Variants in HS6ST2 observed in about 807,000 individuals in gnomAD.
HS6ST2 encodes the protein heparan sulfate 6-O-sulfotransferase 2, also known as heparan-sulfate 6-O-sulfotransferase 2.
In HS6ST2, 17 loss-of-function variants were observed where a neutral mutation model predicts 33.0. The observed-to-expected ratio is 0.52, with a 90% CI of 0.35 to 0.77. The LOEUF is 0.77. HS6ST2 is among the 30% of genes least tolerant of loss of function. The probability of loss-of-function intolerance (pLI) is 0.01; values close to 1 mark genes in which losing one functional copy is unlikely to be tolerated. For missense variants in HS6ST2, 519 were observed against 551.7 expected, an observed-to-expected ratio of 0.94 and a Z score of 0.59; for synonymous variants, 248 against 237.1, an observed-to-expected ratio of 1.05 and a Z score of -0.42.
chrX:132,942,009 T>C (rs754205742), intron 2 of HS6ST2, among the ~76,000 whole-genome samples: 3 of 112,152 alleles, frequency 2.7e-5, no homozygotes, highest in African/African-American at 9.7e-5. Context: ...CATGTTTACA[T>C]GTTCATGAAG....
At chrX:132,831,241 A>C (rs1444028443) in intron 2 of HS6ST2, among the ~76,000 whole-genome samples, 1 of 111,640 alleles carries the variant, frequency 9.0e-6, no homozygotes, top group East Asian at 2.8e-4. Context: ...AAGAGAGGAC[A>C]GAAAACAACT....
At chrX:132,671,501 T>G (rs2063879216) in intron 3 of HS6ST2, among the ~76,000 whole-genome samples, 1 of 106,874 alleles carries the variant, frequency 9.4e-6, no homozygotes, top group African/African-American at 3.4e-5. Context: ...AATTCCCATG[T>G]CTGCGCCTTG....
intron 2 of HS6ST2, among the ~76,000 whole-genome samples, chrX:132,887,266 G>T (rs1488252943): frequency 1.8e-5 from 2 of 112,145 alleles, no homozygotes; most frequent in Admixed American, 9.5e-5. Context: ...ATTATGGGCA[G>T]AACTGATAAA....
Position 132,732,901 on chromosome X carries a change from AT to A in HS6ST2, c.948-24408del, listed in dbSNP as rs746407020. ...CTGGGCCTCAGTTTCCTCATATTAC[AT>A]TTAAAGAGATCTCTGAAGTTCTTTC... On this transcript the variant is annotated intron_variant, in intron 2 of 4. Transcript: ENST00000370833. Among the ~76,000 whole-genome samples, 34 of 111,972 alleles carry A rather than the reference AT, an allele frequency of 3.0e-4. No individual in the cohort carries two copies. The East Asian group carries it at 9.3e-3, about 31-fold the overall frequency.
intron 2 of HS6ST2, among the ~76,000 whole-genome samples, chrX:132,954,707 A>G (rs1454967196): frequency 8.9e-6 from 1 of 112,120 alleles, no homozygotes; most frequent in African/African-American, 3.2e-5. Context: ...TTTTGCAAAC[A>G]CCGTAAAATC....
chrX:132,948,426 A>C (rs768163248), intron 2 of HS6ST2, among the ~76,000 whole-genome samples: 2 of 112,371 alleles, frequency 1.8e-5, no homozygotes, highest in Admixed American at 9.5e-5. Context: ...TAAATATGGA[A>C]TTTATGCACA....
intron 3 of HS6ST2, among the ~76,000 whole-genome samples, chrX:132,697,851 C>G (rs979416456): frequency 3.6e-5 from 4 of 111,922 alleles, no homozygotes; most frequent in African/African-American, 6.5e-5. Flanking sequence ...AGTAGTTGCT[C>G]AAGTAAACAC....
chrX:132,835,018 T>C (rs1569495598), intron 2 of HS6ST2, among the ~76,000 whole-genome samples: 2 of 111,912 alleles, frequency 1.8e-5, no homozygotes, highest in African/African-American at 3.3e-5. Context: ...TTTCTCCATA[T>C]TGAGCTTCAC....
At chrX:132,950,917 C>A (rs1016757016) in intron 2 of HS6ST2, among the ~76,000 whole-genome samples, 1 of 111,503 alleles carries the variant, frequency 9.0e-6, no homozygotes, top group Non-Finnish European at 1.9e-5. Context: ...TTGCAGCTAT[C>A]ACTTAAATAA....
chrX:132,917,115 T>C (rs939080836), intron 2 of HS6ST2, among the ~76,000 whole-genome samples: 1 of 111,748 alleles, frequency 8.9e-6, no homozygotes, highest in Non-Finnish European at 1.9e-5. Context: ...CAAGAACATA[T>C]GGTGCTTTGG....
intron 2 of HS6ST2, among the ~76,000 whole-genome samples, chrX:132,763,846 A>C (rs2064823335): frequency 8.9e-6 from 1 of 112,405 alleles, no homozygotes; most frequent in Non-Finnish European, 1.9e-5. Flanking sequence ...ATGGAAATAA[A>C]ACAATCAATA....
At chrX:132,847,797 T>C (rs932910279) in intron 2 of HS6ST2, among the ~76,000 whole-genome samples, 4 of 111,406 alleles carry the variant, frequency 3.6e-5, no homozygotes, top group Admixed American at 9.5e-5. Flanking sequence ...GCAGCTGAGA[T>C]GGAAAGGAAG....
intron 2 of HS6ST2, among the ~76,000 whole-genome samples, chrX:132,827,042 C>G (rs1290847658): frequency 8.1e-5 from 9 of 111,320 alleles, no homozygotes; most frequent in Non-Finnish European, 1.7e-4. Flanking sequence ...GGGAGGGTGG[C>G]AAAGGAACAA....
chrX:132,828,819 T>A (rs1167356239), intron 2 of HS6ST2, among the ~76,000 whole-genome samples: 1 of 102,153 alleles, frequency 9.8e-6, no homozygotes, highest in Non-Finnish European at 2.0e-5. Flanking sequence ...AGTATATATA[T>A]GCTGTACATA....
At chrX:132,687,969 G>A (rs1208512344) in intron 3 of HS6ST2, among the ~76,000 whole-genome samples, 34 of 111,454 alleles carry the variant, frequency 3.1e-4, no homozygotes, top group Admixed American at 3.0e-3. Context: ...GGCTGCTCTC[G>A]AACTCCTGAC....
chrX:132,630,844 C>T (rs1280219847), intron 4 of HS6ST2, among the ~76,000 whole-genome samples: 1 of 110,890 alleles, frequency 9.0e-6, no homozygotes, highest in Non-Finnish European at 1.9e-5. Context: ...ACTCAGGAGG[C>T]TGAGGCACGA....
At chrX:132,703,780 T>C (rs185855011) in intron 3 of HS6ST2, among the ~76,000 whole-genome samples, 5 of 112,623 alleles carry the variant, frequency 4.4e-5, no homozygotes, top group African/African-American at 1.6e-4. Context: ...TTCAGATTTA[T>C]GTACATTCCT....
chrX:132,881,515 T>C (rs2066173419), intron 2 of HS6ST2, among the ~76,000 whole-genome samples: 1 of 111,739 alleles, frequency 8.9e-6, no homozygotes, highest in Non-Finnish European at 1.9e-5. Flanking sequence ...TTGTAGATTC[T>C]GGATATTAGC....
chrX:132,702,799 C>A (rs923943586), intron 3 of HS6ST2, among the ~76,000 whole-genome samples: 3 of 106,134 alleles, frequency 2.8e-5, no homozygotes, highest in African/African-American at 1.1e-4. Flanking sequence ...AATTTCCCTC[C>A]AACACACACA....
Sources: gnomAD v4.1 joint callset for allele counts (sites outside exome capture counted in the v4.1 genomes callset) on GRCh38, gnomAD v4.1.1 for gene constraint, MANE v1.5 for transcripts, NCBI Gene and HGNC (gene_info 2026-07-23, HGNC 2026-07-21) for gene names.